Variants in BNIP3L observed in about 807,000 individuals in gnomAD.
The protein encoded by BNIP3L is BCL2 interacting protein 3 like.
Under a neutral mutation model 25.5 loss-of-function variants are expected in BNIP3L, and 10 were observed. That is an observed-to-expected ratio of 0.39 (90% CI 0.24 to 0.67). BNIP3L has a LOEUF of 0.67. Ranked by LOEUF, BNIP3L falls within the 30% of genes least tolerant of loss-of-function variation. The pLI, the probability that BNIP3L is intolerant of heterozygous loss-of-function variation, is 0.45. For missense variants in BNIP3L, 215 were observed against 270.9 expected (o/e 0.79, Z 1.45); for synonymous variants, 113 against 101.2 (o/e 1.12, Z -0.70).
In BNIP3L at chr8:26,383,160, G is replaced by A. The variant is rs772602833; in HGVS notation, c.30G>A (p.Pro10=). 6.2e-7 allele frequency: 1 copy of A among 1,612,284 alleles called. No individual in the cohort carries two copies. The change falls in exon 1 of 6, where the codon CCG becomes CCA. Residue 10 remains proline, a synonymous_variant. Transcript: ENST00000380629. The part of the protein sequence containing the change: MSSHLVEPP[P]PLHNNNNNCE... ...CGTCCCACCTAGTCGAGCCGCCGCC[G>A]CCCCTGCACAACAACAACAACAACT...
intron 3 of BNIP3L, among the ~76,000 whole-genome samples, chr8:26,405,138 A>T (rs1806471600): frequency 6.6e-6 from 1 of 152,202 alleles, no homozygotes; most frequent in Non-Finnish European, 1.5e-5. Flanking sequence ...ATGAAAAAAA[A>T]AATTAGAGCG....
intron 1 of BNIP3L, among the ~76,000 whole-genome samples, chr8:26,386,543 T>A (rs2117463227): frequency 6.6e-6 from 1 of 152,266 alleles, no homozygotes; most frequent in East Asian, 1.9e-4. Context: ...CAAGTGATCC[T>A]CCTGCCTCAG....
In BNIP3L at chr8:26,396,989, C is replaced by T. The variant is rs373383031; in HGVS notation, c.357+1687C>T. Among the ~76,000 whole-genome samples, 10 of 48,834 alleles carry T rather than the reference C, an allele frequency of 2.0e-4. No individual in the cohort carries two copies. The East Asian group carries it at 3.4e-3, about 17-fold the overall frequency. The allele number at this position is 48,834 out of a possible 152,430, so 32.0% of individuals were successfully genotyped here. ...GGACTATGTGAAAAGACCAAATCTA[C>T]GTCTGATTGGTGTACCTGAAAGTGA... On this transcript the variant is annotated intron_variant, in intron 3 of 5. Coordinates refer to ENST00000380629, the MANE Select transcript of BNIP3L (RefSeq NM_004331.3).
Position 26,410,679 on chromosome 8 carries a change from C to A in BNIP3L, c.*267C>A. On this transcript the variant is annotated 3_prime_UTR_variant, in exon 6 of 6. Transcript: ENST00000380629. ...TAGAAATTTGCAAGGGCTTCTTTTC[C>A]GCAAATGCCACCAGCAGATTATAAT... 4.4e-6 allele frequency: 2 copies of A among 457,542 alleles called. No individual in the cohort carries two copies. The highest frequency in any genetic ancestry group is 8.0e-6 in the Non-Finnish European group (2 of 248,946). 28.3% of individuals were successfully genotyped at this position (457,542 alleles called of 1,614,324 possible).
At chr8:26,406,030 G>A (rs544196818) in intron 3 of BNIP3L, among the ~76,000 whole-genome samples, 3 of 152,308 alleles carry the variant, frequency 2.0e-5, no homozygotes, top group East Asian at 3.9e-4. Flanking sequence ...GTGACAGAGC[G>A]AGACTCCGTC....
intron 1 of BNIP3L, among the ~76,000 whole-genome samples, chr8:26,388,142 G>A (rs2874670): frequency 0.43 from 65,230 of 152,004 alleles, 14,396 homozygotes; most frequent in Non-Finnish European, 0.46. Flanking sequence ...GAGTAGGAAC[G>A]GGAGGTTGGG....
rs1290323909 is a variant in BNIP3L, at chr8:26,391,125, C to T, written c.101-118C>T. 5.0e-6 allele frequency: 4 copies of T among 804,820 alleles called. No homozygotes were observed. In the African/African-American group the frequency reaches 5.3e-5, roughly 11 times the overall value. 49.9% of individuals were successfully genotyped at this position (804,820 alleles called of 1,614,324 possible). ...CTTCTTATTTATTTTCTTCAGAATACTTTTACATTTGGTTTGAGGAGAGTC... is the reference window on the plus strand; with the variant it reads ...CTTCTTATTTATTTTCTTCAGAATATTTTTACATTTGGTTTGAGGAGAGTC... On this transcript the variant is annotated intron_variant, in intron 1 of 5. Coordinates refer to ENST00000380629, the MANE Select transcript of BNIP3L (RefSeq NM_004331.3).
At chr8:26,404,624 C>T (rs1341481558) in intron 3 of BNIP3L, among the ~76,000 whole-genome samples, 2 of 152,210 alleles carry the variant, frequency 1.3e-5, no homozygotes, top group South Asian at 2.1e-4. Context: ...TCTGCTGCCT[C>T]AGCTGCCCAA....
intron 1 of BNIP3L, among the ~76,000 whole-genome samples, chr8:26,387,040 C>T (rs972498290): frequency 6.6e-6 from 1 of 152,100 alleles, no homozygotes; most frequent in African/African-American, 2.4e-5. Context: ...AAAAGAGTTA[C>T]ATGTGGGCCT....
intron 2 of BNIP3L, among the ~76,000 whole-genome samples, chr8:26,391,761 A>G (rs180969491): frequency 7.6e-4 from 116 of 152,350 alleles, no homozygotes; most frequent in African/African-American, 2.3e-3. Flanking sequence ...TCCCTGTGTT[A>G]CAGATCACAG....
chr8:26,383,568 C>T (rs1362521070), intron 1 of BNIP3L: 3 of 22,180 alleles, frequency 1.4e-4, no homozygotes, highest in African/African-American at 5.7e-4. Context: ...GCGGGGAGGC[C>T]GGGTGGGCGG....
At chr8:26,405,829 G>A (rs544978695) in intron 3 of BNIP3L, among the ~76,000 whole-genome samples, 1 of 151,342 alleles carries the variant, frequency 6.6e-6, no homozygotes, top group South Asian at 2.1e-4. Context: ...GATCACTTGA[G>A]GTCAGGAGTT....
intron 3 of BNIP3L, among the ~76,000 whole-genome samples, chr8:26,402,355 G>A (rs1273774467): frequency 6.6e-6 from 1 of 152,204 alleles, no homozygotes; most frequent in African/African-American, 2.4e-5. Context: ...AGCTGATGTA[G>A]AAGAAAGCTT....
intron 1 of BNIP3L, among the ~76,000 whole-genome samples, chr8:26,385,623 GC>G (rs1458448755): frequency 6.7e-6 from 1 of 150,160 alleles, no homozygotes; most frequent in East Asian, 2.0e-4. Flanking sequence ...AGGGGCGAGG[GC>G]GGGGGCTGAG....
At chr8:26,393,785 A>G (rs887913677) in intron 2 of BNIP3L, among the ~76,000 whole-genome samples, 2 of 151,776 alleles carry the variant, frequency 1.3e-5, no homozygotes, top group Admixed American at 1.3e-4. Flanking sequence ...GTTCGGGTTG[A>G]CTCCTGTGCT....
At chr8:26,392,632 G>A (rs1806139410) in intron 2 of BNIP3L, among the ~76,000 whole-genome samples, 1 of 151,458 alleles carries the variant, frequency 6.6e-6, no homozygotes, top group Non-Finnish European at 1.5e-5. Context: ...GATGGCTCTT[G>A]TCATAAGCGG....
At position 26,386,321 on chromosome 8, in the gene BNIP3L, A is replaced by G. The variant is rs559499412; in HGVS notation, c.100+3091A>G. Among the ~76,000 whole-genome samples the G allele has an allele frequency of 3.3e-5, 5 of 152,356 alleles. No individual in the cohort carries two copies. In the East Asian group the frequency reaches 7.7e-4, roughly 23 times the overall value. ...TATCAACTTCCTTAAGAATGTTTGAATAAGATTCAATAGGGCCGAATAAGG... is the reference window on the plus strand; with the variant it reads ...TATCAACTTCCTTAAGAATGTTTGAGTAAGATTCAATAGGGCCGAATAAGG... On this transcript the variant is annotated intron_variant, in intron 1 of 5. Coordinates refer to ENST00000380629, the MANE Select transcript of BNIP3L (RefSeq NM_004331.3).
At chr8:26,393,349 C>T (rs1477009738) in intron 2 of BNIP3L, among the ~76,000 whole-genome samples, 2 of 148,066 alleles carry the variant, frequency 1.4e-5, no homozygotes, top group African/African-American at 5.0e-5. Context: ...CCAGTGTGTT[C>T]TGCTTTGCCT....
chr8:26,409,630 A>G (rs1010606830), intron 5 of BNIP3L, among the ~76,000 whole-genome samples: 5 of 152,190 alleles, frequency 3.3e-5, no homozygotes, highest in Non-Finnish European at 5.9e-5. Flanking sequence ...ATTGCTGCCT[A>G]TACAGCAGTT....
Sources: gnomAD v4.1 joint callset for allele counts (sites outside exome capture counted in the v4.1 genomes callset) on GRCh38, gnomAD v4.1.1 for gene constraint, MANE v1.5 for transcripts, NCBI Gene and HGNC (gene_info 2026-07-23, HGNC 2026-07-21) for gene names.